Variants in ADRA1B observed in about 807,000 individuals in gnomAD.
ADRA1B encodes adrenoceptor alpha 1B, also known as alpha-1B adrenergic receptor.
In ADRA1B, 17 loss-of-function variants were observed where a neutral mutation model predicts 17.9. The observed-to-expected ratio is 0.95, with a 90% CI of 0.65 to 1.42. The LOEUF (loss-of-function observed/expected upper bound fraction) is 1.42, where lower values mean the gene tolerates loss of function less well. Among genes scored for constraint, ADRA1B ranks in the 40% most tolerant of loss-of-function variants. The probability of loss-of-function intolerance (pLI) is 0.00; values close to 1 mark genes in which losing one functional copy is unlikely to be tolerated. For synonymous variants in ADRA1B, 366 were observed against 327.6 expected (o/e 1.12, Z -1.27); for missense variants, 681 against 722.1 (o/e 0.94, Z 0.65).
chr5:159,970,710 G>A lies in ADRA1B; in HGVS notation c.950-1169G>A, dbSNP rs188393465. Among the ~76,000 whole-genome samples, 46 of 152,294 alleles carry A rather than the reference G, an allele frequency of 3.0e-4. 1 individual carries two copies. Among genetic ancestry groups the A allele is most frequent in the African/African-American group, 1.1e-3 (44 of 41,554 alleles). On this transcript the variant is annotated intron_variant, in intron 1 of 1. Coordinates refer to ENST00000306675, the MANE Select transcript of ADRA1B (RefSeq NM_000679.4). ...CCACCAGCCATGAACAAAGCTCCTC[G>A]TGTCCCCACACCCCACACCCCTGTG...
chr5:159,919,301 C>T (rs777843471), intron 1 of ADRA1B, among the ~76,000 whole-genome samples: 1 of 152,276 alleles, frequency 6.6e-6, no homozygotes, highest in East Asian at 1.9e-4. Flanking sequence ...TTCCCAAGGT[C>T]TCAGGGTTCT....
intron 1 of ADRA1B, among the ~76,000 whole-genome samples, chr5:159,911,283 C>T (rs981167259): frequency 3.3e-5 from 5 of 152,198 alleles, no homozygotes; most frequent in African/African-American, 4.8e-5. Flanking sequence ...TCTGTAGCAG[C>T]ATGGGTGGGT....
At chr5:159,973,782 C>T (rs1039304065), downstream of ADRA1B, among the ~76,000 whole-genome samples, 2 of 152,216 alleles carry the variant, frequency 1.3e-5, no homozygotes, top group African/African-American at 4.8e-5. Context: ...ACTTACTTCC[C>T]TCTCTGGATC....
intron 1 of ADRA1B, 84 bp downstream of exon 1, chr5:159,917,938 G>T: frequency 8.3e-7 from 1 of 1,201,096 alleles, no homozygotes; most frequent in African/African-American, 1.5e-5. Flanking sequence ...TTTTTTGTGG[G>T]TTTTGTTTCT....
In ADRA1B at chr5:159,927,059, G is replaced by A. The variant is rs1048338708; in HGVS notation, c.949+9205G>A. Among the ~76,000 whole-genome samples, 8 of 152,154 alleles carry A rather than the reference G, an allele frequency of 5.3e-5. No individual in the cohort carries two copies. The South Asian group carries it at 6.2e-4, about 12-fold the overall frequency. On this transcript the variant is annotated intron_variant, in intron 1 of 1. Coordinates refer to ENST00000306675, the MANE Select transcript of ADRA1B (RefSeq NM_000679.4). ...ATCTGGGCCTGGTCATGAAGCCGGT[G>A]AAGCGAGATTGGCTAGGTCAAGACC...
At chr5:159,971,726 A>T (rs1180713667) in intron 1 of ADRA1B, among the ~76,000 whole-genome samples, 153 bp from the exon 2 acceptor site, 2 of 152,114 alleles carry the variant, frequency 1.3e-5, no homozygotes, top group African/African-American at 4.8e-5. Flanking sequence ...ATGCAAAGGG[A>T]AGTATTCCGG....
chr5:159,916,889 G>A lies in ADRA1B; in HGVS notation c.-17G>A. 1.3e-6 allele frequency: 2 copies of A among 1,591,166 alleles called. No homozygotes were observed. The highest frequency in any genetic ancestry group is 4.5e-5 in the East Asian group (2 of 44,620). On this transcript the variant is annotated 5_prime_UTR_variant, in exon 1 of 2. It removes an upstream start codon present in the reference 5' UTR. Coordinates refer to ENST00000306675, the MANE Select transcript of ADRA1B (RefSeq NM_000679.4). ...CGAGCCCAATCATCCCCCTGGCTAT[G>A]GAGGGCGGACTCTAAGATGAATCCC...
intron 1 of ADRA1B, among the ~76,000 whole-genome samples, chr5:159,957,929 C>CAAAAAAAAAA (rs35956137): frequency 7.3e-4 from 49 of 66,818 alleles, no homozygotes; most frequent in East Asian, 1.8e-3. Flanking sequence ...AACCCCATCT[C>CAAAAAAAAAA]AAAAAAAAAA....
At chr5:159,868,501 A>G (rs530863924) in intron 1 of ADRA1B, 1 of 152,314 alleles carries the variant, frequency 6.6e-6, no homozygotes, top group East Asian at 1.9e-4. Flanking sequence ...AAACTTGTAT[A>G]TTTTTGGTAG....
At chr5:159,880,218 T>A (rs1388011796) in intron 1 of ADRA1B, among the ~76,000 whole-genome samples, 1 of 152,058 alleles carries the variant, frequency 6.6e-6, no homozygotes, top group African/African-American at 2.4e-5. Flanking sequence ...TTAAAGCAAA[T>A]AAAATCCCTG....
the ADRA1B span, among the ~76,000 whole-genome samples, chr5:159,986,814 C>T: frequency 2.6e-5 from 4 of 152,170 alleles, no homozygotes; most frequent in Admixed American, 2.6e-4. Context: ...ATTCCAGGGG[C>T]ATGGGTGATC....
At chr5:159,927,744 G>T (rs922520239) in intron 1 of ADRA1B, among the ~76,000 whole-genome samples, 5 of 152,036 alleles carry the variant, frequency 3.3e-5, no homozygotes, top group African/African-American at 1.2e-4. Context: ...TTAAAACCTG[G>T]AATAAGGGTG....
At chr5:159,884,103 A>G (rs931832133) in intron 1 of ADRA1B, among the ~76,000 whole-genome samples, 1 of 152,206 alleles carries the variant, frequency 6.6e-6, no homozygotes, top group Non-Finnish European at 1.5e-5. Flanking sequence ...GCCAAAAATA[A>G]ATTAAAAAGA....
chr5:159,893,155 A>G (rs1754004238), intron 1 of ADRA1B, among the ~76,000 whole-genome samples: 1 of 152,188 alleles, frequency 6.6e-6, no homozygotes, highest in South Asian at 2.1e-4. Flanking sequence ...CCTGGAACTT[A>G]TATTCTTTGA....
At chr5:159,936,117 C>A (rs749892327) in intron 1 of ADRA1B, among the ~76,000 whole-genome samples, 1 of 152,152 alleles carries the variant, frequency 6.6e-6, no homozygotes, top group Non-Finnish European at 1.5e-5. Context: ...CCCCAGGGGA[C>A]GTTTAGCAAT....
Position 159,972,028 on chromosome 5 carries a change from TGCCGCGGCCGCG to T in ADRA1B, c.1105_1116del (p.Gly369_Arg372del). 7.5e-7 allele frequency: 1 copy of T among 1,325,626 alleles called. No homozygotes were observed. The highest frequency in any genetic ancestry group is 1.8e-5 in the South Asian group (1 of 55,300). The allele number at this position is 1,325,626 out of a possible 1,614,324, so 82.1% of individuals were successfully genotyped here. On this transcript the variant is annotated inframe_deletion, in exon 2 of 2. Transcript: ENST00000306675. Reference sequence around the variant, plus strand: ...TTTCGTGCGCATCCTCGGGTGCCAGTGCCGCGGCCGCGGCCGCCGCCGACGCCGCCGCCGCCG... The same window carrying T: ...TTTCGTGCGCATCCTCGGGTGCCAGTGCCGCCGCCGACGCCGCCGCCGCCG...
intron 1 of ADRA1B, among the ~76,000 whole-genome samples, chr5:159,923,816 C>G (rs1450375981): frequency 6.6e-6 from 1 of 152,250 alleles, no homozygotes; most frequent in Non-Finnish European, 1.5e-5. Context: ...TGCCAAGAAT[C>G]TTAATTTTAA....
chr5:159,873,126 T>C (rs146547333), intron 1 of ADRA1B, among the ~76,000 whole-genome samples: 5,362 of 152,278 alleles, frequency 0.035, 128 homozygotes, highest in Non-Finnish European at 0.055. Flanking sequence ...TATGGCTGCA[T>C]AGTATTCCAT....
At chr5:159,909,636 T>A (rs887930629) in intron 1 of ADRA1B, among the ~76,000 whole-genome samples, 1 of 152,230 alleles carries the variant, frequency 6.6e-6, no homozygotes, top group African/African-American at 2.4e-5. Flanking sequence ...CACATTCCCG[T>A]TATTTATCTT....
Sources: gnomAD v4.1 joint callset for allele counts (sites outside exome capture counted in the v4.1 genomes callset) on GRCh38, gnomAD v4.1.1 for gene constraint, MANE v1.5 for transcripts, NCBI Gene and HGNC (gene_info 2026-07-23, HGNC 2026-07-21) for gene names.